Variants in ARHGAP6 observed in about 807,000 individuals in gnomAD.
ARHGAP6 encodes Rho GTPase activating protein 6.
A neutral mutation model predicts 55.7 loss-of-function variants in ARHGAP6; 16 were observed. The ratio of observed to expected loss-of-function variants is 0.29; its 90% CI spans 0.19 to 0.44. The LOEUF is 0.44. Ranked by LOEUF, ARHGAP6 falls within the 20% of genes least tolerant of loss-of-function variation. The pLI is 1.00. For synonymous variants in ARHGAP6, 382 were observed against 360.9 expected, an observed-to-expected ratio of 1.06 and a Z score of -0.66; for missense variants, 698 against 808.9, an observed-to-expected ratio of 0.86 and a Z score of 1.66.
intron 1 of ARHGAP6, among the ~76,000 whole-genome samples, chrX:11,366,129 T>G (rs1230360621): frequency 3.6e-5 from 4 of 112,347 alleles, no homozygotes; most frequent in Non-Finnish European, 5.6e-5. Context: ...AGCATCACAC[T>G]GGCTGTAGGG....
At chrX:11,174,610 T>TTC (rs1489940652) in intron 8 of ARHGAP6, among the ~76,000 whole-genome samples, 14 of 95,218 alleles carry the variant, frequency 1.5e-4, no homozygotes, top group African/African-American at 5.0e-4. Flanking sequence ...CTTTCTTTCT[T>TTC]TCTTTCTCTT....
intron 2 of ARHGAP6, among the ~76,000 whole-genome samples, chrX:11,213,848 T>C (rs2147396302): frequency 8.9e-6 from 1 of 111,984 alleles, no homozygotes; most frequent in African/African-American, 3.2e-5. Context: ...AATAGATCCA[T>C]GTACCAAAAT....
chrX:11,143,426 G>T, intron 11 of ARHGAP6: 1 of 358,435 alleles, frequency 2.8e-6, no homozygotes, highest in Non-Finnish European at 3.6e-6. Flanking sequence ...ACAGCAGGAG[G>T]AAATGGGACT....
intron 1 of ARHGAP6, among the ~76,000 whole-genome samples, chrX:11,654,774 T>C (rs921479358): frequency 2.5e-4 from 28 of 111,933 alleles, no homozygotes; most frequent in African/African-American, 9.1e-4. Context: ...TAGTTTCATG[T>C]TGAATACATG....
intron 1 of ARHGAP6, among the ~76,000 whole-genome samples, chrX:11,560,856 A>C (rs1248998862): frequency 8.9e-5 from 10 of 112,098 alleles, no homozygotes; most frequent in African/African-American, 3.2e-5. Flanking sequence ...CCTTATTCTA[A>C]TGACAAATTT....
At chrX:11,302,409 A>T (rs2048184664) in intron 1 of ARHGAP6, among the ~76,000 whole-genome samples, 1 of 112,576 alleles carries the variant, frequency 8.9e-6, no homozygotes, top group Admixed American at 9.4e-5. Context: ...CAAGCATGCC[A>T]GTAATCCTGA....
chrX:11,298,814 C>T (rs755554117), intron 1 of ARHGAP6: 17 of 1,208,696 alleles, frequency 1.4e-5, no homozygotes, highest in South Asian at 1.8e-5. Flanking sequence ...CACAGCCTCA[C>T]CAGCCCATGC....
At chrX:11,305,132 A>T (rs1049123333) in intron 1 of ARHGAP6, among the ~76,000 whole-genome samples, 2 of 111,300 alleles carry the variant, frequency 1.8e-5, no homozygotes, top group African/African-American at 6.5e-5. Context: ...AAGCAGGTAC[A>T]GTTGTGTCTC....
rs566973616 is a variant in ARHGAP6 at position 11,633,144 on chromosome X, A to G, written c.588+31097T>C. 7.1e-5 allele frequency among the ~76,000 whole-genome samples: 8 copies of G among 112,306 alleles called. No individual in the cohort carries two copies. In the South Asian group the frequency reaches 2.9e-3, roughly 41 times the overall value. ...CTTCTTTCTAAAGCTCTTCCCTACA[A>G]ATCACTAGCACTCAAACCCTTAGCT... On this transcript the variant is annotated intron_variant, in intron 1 of 12. Transcript: ENST00000337414.
chrX:11,378,332 G>A (rs184494695), intron 1 of ARHGAP6, among the ~76,000 whole-genome samples: 10 of 112,602 alleles, frequency 8.9e-5, no homozygotes, highest in Non-Finnish European at 1.9e-4. Context: ...ACCAGTTTTA[G>A]AACACTTTCT....
chrX:11,169,409 G>A, intron 9 of ARHGAP6, 96 bp downstream of exon 9: 3 of 867,244 alleles, frequency 3.5e-6, no homozygotes, highest in Non-Finnish European at 3.2e-6. Flanking sequence ...GAGCAGCACT[G>A]CACCCCAGAG....
intron 12 of ARHGAP6, among the ~76,000 whole-genome samples, chrX:11,141,803 G>T (rs1268796971): frequency 8.9e-6 from 1 of 112,239 alleles, no homozygotes; most frequent in Non-Finnish European, 1.9e-5. Flanking sequence ...CCAAAATTTT[G>T]TGAATCTATT....
At chrX:11,479,973 A>C (rs1305472596) in intron 1 of ARHGAP6, among the ~76,000 whole-genome samples, 1 of 111,712 alleles carries the variant, frequency 9.0e-6, no homozygotes, top group African/African-American at 3.3e-5. Context: ...GGATACTGTG[A>C]AAATGAAAGG....
chrX:11,658,231 C>T (rs1050585468), intron 1 of ARHGAP6, among the ~76,000 whole-genome samples: 1 of 111,450 alleles, frequency 9.0e-6, no homozygotes, highest in Non-Finnish European at 1.9e-5. Context: ...CTTTGCTCTT[C>T]CCAACCCTCA....
chrX:11,535,511 C>T (rs899862129), intron 1 of ARHGAP6, among the ~76,000 whole-genome samples: 6 of 112,066 alleles, frequency 5.4e-5, no homozygotes, highest in South Asian at 3.7e-4. Flanking sequence ...TTGCTGAAAG[C>T]GGCAGGTCCC....
chrX:11,163,968 C>T (rs543783226), intron 9 of ARHGAP6, among the ~76,000 whole-genome samples: 12 of 112,682 alleles, frequency 1.1e-4, no homozygotes, highest in South Asian at 7.3e-4. Context: ...CTTCCTTCCA[C>T]CTTTGTGGGA....
chrX:11,431,256 A>C (rs200130640), intron 1 of ARHGAP6, among the ~76,000 whole-genome samples: 2 of 112,458 alleles, frequency 1.8e-5, no homozygotes, highest in East Asian at 2.8e-4. Context: ...CATCACCTTT[A>C]AGAGAAAACG....
intron 10 of ARHGAP6, among the ~76,000 whole-genome samples, chrX:11,150,217 T>C (rs1230055834): frequency 8.9e-6 from 1 of 111,799 alleles, no homozygotes; most frequent in East Asian, 2.8e-4. Context: ...CTCAAGCCTA[T>C]ATTTAAAAAT....
At chrX:11,493,250 T>C (rs1336376383) in intron 1 of ARHGAP6, among the ~76,000 whole-genome samples, 1 of 112,131 alleles carries the variant, frequency 8.9e-6, no homozygotes. Context: ...CAACAAACTG[T>C]TACAAGTGGT....
Sources: allele counts gnomAD v4.1 joint callset (sites outside exome capture counted in the v4.1 genomes callset), GRCh38; gene constraint gnomAD v4.1.1; transcripts MANE v1.5; gene names NCBI Gene and HGNC (gene_info 2026-07-23, HGNC 2026-07-21).